OPTN: variants seen among roughly 807,000 people sequenced by gnomAD.
OPTN encodes the protein E3-14.7K-interacting protein.
A neutral mutation model predicts 70.4 loss-of-function variants in OPTN; 54 were observed. The observed-to-expected ratio is 0.77, with a 90% CI of 0.62 to 0.96. OPTN has a LOEUF of 0.96. Among genes scored for constraint, OPTN ranks in the 40% least tolerant of loss-of-function variants. The pLI is 0.00. For missense variants in OPTN, 624 were observed against 673.2 expected (o/e 0.93, Z 0.81); for synonymous variants, 256 against 248.5 (o/e 1.03, Z -0.28).
chr10:13,128,870 C>A (rs921137234), intron 12 of OPTN, among the ~76,000 whole-genome samples: 7 of 152,008 alleles, frequency 4.6e-5, no homozygotes, highest in Non-Finnish European at 8.8e-5. Flanking sequence ...GTAATGACTT[C>A]TATGTATACT....
chr10:13,108,903 T>TGCGCGC (rs145112217), intron 2 of OPTN: 14 of 477,440 alleles, frequency 2.9e-5, no homozygotes, highest in South Asian at 4.4e-5. Context: ...CATGCACACA[T>TGCGCGC]GCGCGTGCAC....
chr10:13,120,288 G>A (rs1403401496), intron 7 of OPTN, among the ~76,000 whole-genome samples: 1 of 152,006 alleles, frequency 6.6e-6, no homozygotes, highest in Non-Finnish European at 1.5e-5. Flanking sequence ...GCGCCCGGCT[G>A]ATCTGCAACT....
intron 12 of OPTN, among the ~76,000 whole-genome samples, chr10:13,128,988 C>T (rs1235356580): frequency 1.3e-5 from 2 of 152,146 alleles, no homozygotes; most frequent in Non-Finnish European, 2.9e-5. Flanking sequence ...TCAGCCTTCT[C>T]ATTTATGATT....
chr10:13,101,441 G>C (rs1052558851), intron 1 of OPTN, among the ~76,000 whole-genome samples: 4 of 117,172 alleles, frequency 3.4e-5, no homozygotes, highest in African/African-American at 1.4e-4. Flanking sequence ...TTATTCTCGA[G>C]GGCAACTGGA....
intron 4 of OPTN, among the ~76,000 whole-genome samples, chr10:13,110,971 C>T (rs1423056597): frequency 6.6e-6 from 1 of 152,154 alleles, no homozygotes; most frequent in African/African-American, 2.4e-5. Flanking sequence ...CGCATTGCCA[C>T]AGATGAAAAG....
Position 13,116,276 on chromosome 10 carries a change from G to T in OPTN, c.562G>T (p.Ala188Ser). 6.2e-7 allele frequency: 1 copy of T among 1,607,950 alleles called. No individual in the cohort carries two copies. Among genetic ancestry groups the T allele is most frequent in the Non-Finnish European group, 8.5e-7 (1 of 1,174,438 alleles). The change falls in exon 6 of 15, where the codon GCA becomes TCA. Residue 188 changes from alanine (A) to serine (S), a missense_variant. By Grantham distance (99) the Ala-to-Ser change is moderately conservative. Coordinates refer to ENST00000378747, the MANE Select transcript of OPTN (RefSeq NM_001008212.2). ...FVEIRMAEGE[A>S]EGSVKEIKHS... ...ATTTCTGTTTTCACAGGAAGGAGAA[G>T]CAGAAGGGTCAGTAAAAGAAATCAA...
chr10:13,108,797 C>T (rs1372815152), intron 2 of OPTN, among the ~76,000 whole-genome samples: 4 of 152,104 alleles, frequency 2.6e-5, no homozygotes, highest in African/African-American at 7.2e-5. Context: ...CTGTCCGCCT[C>T]GGCCTCCCAA....
At position 13,127,752 on chromosome 10, in the gene OPTN, A is replaced by C. The variant is rs758895451; in HGVS notation, c.1250A>C (p.Lys417Thr). 4 of 1,614,180 alleles carry C rather than the reference A, an allele frequency of 2.5e-6. No individual in the cohort carries two copies. In the East Asian group the frequency reaches 8.9e-5, roughly 36 times the overall value. The change falls in exon 12 of 15, where the codon AAA becomes ACA. Residue 417 changes from lysine to threonine, a missense_variant. Coordinates refer to ENST00000378747, the MANE Select transcript of OPTN (RefSeq NM_001008212.2). ...IEELTRKESEKVDRAVLKELS... is the reference protein window; with the variant it reads ...IEELTRKESETVDRAVLKELS... ...TAAATGTTTCTTTTTCAGTCAGAAA[A>C]AGTGGACAGGGCAGTGCTGAAGGAA...
chr10:13,116,319 C>G lies in OPTN; in HGVS notation c.605C>G (p.Thr202Arg), dbSNP rs199700857. ...VKEIKHSPGP[T>R]RTVSTGTALS... ...GAAATCAAGCATAGTCCTGGGCCCA[C>G]GAGAACAGTCTCCACTGGCACGTAT... Residue 202 changes from threonine (T) to arginine (R), a missense_variant, in exon 6 of 15, where the codon ACG (threonine) becomes AGG (arginine). Transcript: ENST00000378747. 6.2e-7 allele frequency: 1 copy of G among 1,613,450 alleles called. No homozygotes were observed. The highest frequency in any genetic ancestry group is 1.1e-5 in the South Asian group (1 of 91,058).
chr10:13,126,706 C>A (rs1048561624), intron 11 of OPTN, among the ~76,000 whole-genome samples: 1 of 152,116 alleles, frequency 6.6e-6, no homozygotes, highest in Non-Finnish European at 1.5e-5. Flanking sequence ...GAATTTGGGA[C>A]CCTGGAATCA....
chr10:13,112,804 G>T (rs1290332124), intron 5 of OPTN, among the ~76,000 whole-genome samples, 169 bp downstream of exon 5: 1 of 151,848 alleles, frequency 6.6e-6, no homozygotes, highest in Non-Finnish European at 1.5e-5. Flanking sequence ...GCATGTAAGG[G>T]TTATCATAGC....
In OPTN at chr10:13,110,413, T is replaced by C. The variant is rs1832970024; in HGVS notation, c.306T>C (p.His102=). 1.2e-6 allele frequency: 2 copies of C among 1,613,892 alleles called. No homozygotes were observed. Among genetic ancestry groups the C allele is most frequent in the Non-Finnish European group, 8.5e-7 (1 of 1,179,986 alleles). Reference sequence around the variant, plus strand: ...AAGAGCGTCTAATGGCCTTGAGTCATGAGAATGAGAAATTGAAGGAAGAGC... The same window carrying C: ...AAGAGCGTCTAATGGCCTTGAGTCACGAGAATGAGAAATTGAAGGAAGAGC... The part of the protein sequence containing the change: ...EAKERLMALS[H]ENEKLKEELG... The change falls in exon 4 of 15, where the codon CAT becomes CAC. Residue 102 remains histidine, a synonymous_variant. Coordinates refer to ENST00000378747, the MANE Select transcript of OPTN (RefSeq NM_001008212.2).
intron 4 of OPTN, among the ~76,000 whole-genome samples, chr10:13,111,193 G>T (rs534704750): frequency 6.6e-6 from 1 of 152,096 alleles, no homozygotes; most frequent in Admixed American, 6.6e-5. Context: ...GCAGGAGGTT[G>T]GGTGGTGGGA....
chr10:13,106,912 T>C (rs1000942342), intron 1 of OPTN, among the ~76,000 whole-genome samples: 5 of 152,154 alleles, frequency 3.3e-5, no homozygotes, highest in African/African-American at 1.2e-4. Context: ...TAGTCATGAG[T>C]GGCTGATGGA....
chr10:13,129,249 C>G (rs141264952), intron 12 of OPTN, among the ~76,000 whole-genome samples: 1 of 152,132 alleles, frequency 6.6e-6, no homozygotes, highest in East Asian at 1.9e-4. Flanking sequence ...TTCATCATAA[C>G]TTGTGTCCAT....
At chr10:13,101,086 A>C (rs1008057071) in intron 1 of OPTN, among the ~76,000 whole-genome samples, 1 of 152,136 alleles carries the variant, frequency 6.6e-6, no homozygotes, top group Non-Finnish European at 1.5e-5. Flanking sequence ...CCAGGGAGAG[A>C]AGAGTTAGTG....
intron 5 of OPTN, 57 bp downstream of exon 5, chr10:13,112,692 A>C (rs563874816): frequency 1.3e-6 from 2 of 1,510,968 alleles, no homozygotes; most frequent in Non-Finnish European, 1.8e-6. Context: ...CCCTGGAAAG[A>C]TGAAACAAAT....
intron 14 of OPTN, among the ~76,000 whole-genome samples, chr10:13,134,420 A>G (rs1465480238): frequency 6.6e-6 from 1 of 151,838 alleles, no homozygotes; most frequent in Non-Finnish European, 1.5e-5. Flanking sequence ...TAGATACTTA[A>G]GTACTTTATT....
intron 13 of OPTN, among the ~76,000 whole-genome samples, chr10:13,133,116 G>A (rs1833627615): frequency 6.6e-6 from 1 of 152,052 alleles, no homozygotes; most frequent in Non-Finnish European, 1.5e-5. Context: ...TGATTTCTCT[G>A]TGTTTAAGTT....
Sources: gnomAD v4.1 joint callset for allele counts (sites outside exome capture counted in the v4.1 genomes callset) on GRCh38, gnomAD v4.1.1 for gene constraint, MANE v1.5 for transcripts, NCBI Gene and HGNC (gene_info 2026-07-23, HGNC 2026-07-21) for gene names.